The following PRKCH variants were observed in gnomAD, a reference collection of about 807,000 sequenced individuals.
PRKCH encodes the protein protein kinase C eta.
Under a neutral mutation model 82.5 loss-of-function variants are expected in PRKCH, and 28 were observed. The ratio of observed to expected loss-of-function variants is 0.34; its 90% CI spans 0.25 to 0.47. The LOEUF is 0.47. Among genes scored for constraint, PRKCH ranks in the 20% least tolerant of loss-of-function variants. The pLI is 1.00. For missense variants in PRKCH, 705 were observed against 881.8 expected, an observed-to-expected ratio of 0.80 and a Z score of 2.54; for synonymous variants, 322 against 327.4, an observed-to-expected ratio of 0.98 and a Z score of 0.18.
intron 2 of PRKCH, among the ~76,000 whole-genome samples, chr14:61,432,395 G>T (rs1883450401): frequency 6.6e-6 from 1 of 152,098 alleles, no homozygotes; most frequent in Admixed American, 6.5e-5. Context: ...TCTTCAAGTA[G>T]ATTCTCTTCA....
chr14:61,205,701 C>T (rs1024096732), intron 1 of PRKCH, among the ~76,000 whole-genome samples: 1 of 152,174 alleles, frequency 6.6e-6, no homozygotes, highest in Non-Finnish European at 1.5e-5. Flanking sequence ...GGCCCTTGCA[C>T]AGGACAGAGC....
At chr14:61,216,647 C>T (rs1428498303) in intron 1 of PRKCH, among the ~76,000 whole-genome samples, 1 of 152,144 alleles carries the variant, frequency 6.6e-6, no homozygotes, top group Non-Finnish European at 1.5e-5. Context: ...ACTTCACTCC[C>T]CTGGCAACCC....
At chr14:61,203,646 T>A (rs1276150238) in intron 1 of PRKCH, among the ~76,000 whole-genome samples, 1 of 152,066 alleles carries the variant, frequency 6.6e-6, no homozygotes, top group Admixed American at 6.5e-5. Flanking sequence ...TTCTAGGAAG[T>A]GTTTTTCAAA....
chr14:61,310,093 G>A (rs778048245), intron 1 of PRKCH, among the ~76,000 whole-genome samples: 31 of 152,104 alleles, frequency 2.0e-4, no homozygotes, highest in Non-Finnish European at 4.3e-4. Flanking sequence ...ATTACAATTC[G>A]AGATGAGATT....
chr14:61,507,151 A>G (rs534294471), intron 10 of PRKCH, among the ~76,000 whole-genome samples: 4 of 152,304 alleles, frequency 2.6e-5, no homozygotes, highest in African/African-American at 9.6e-5. Context: ...CATTTCTCCA[A>G]AGAAGATATG....
chr14:61,449,236 AC>A lies in PRKCH; in HGVS notation c.687del (p.Asn229LysfsTer41). 6.2e-7 allele frequency: 1 copy of A among 1,613,418 alleles called. No individual in the cohort carries two copies. Among genetic ancestry groups the A allele is most frequent in the Non-Finnish European group, 8.5e-7 (1 of 1,179,388 alleles). ...GCCTGTACTTGCCAAAACAATATTA[AC>A]AAAGTGGATTCAAAGGTAAGAGGAT... ...VTACTCQNNI[N>X]KVDSKIAEQR... On this transcript the variant is annotated frameshift_variant, in exon 5 of 14. Transcript: ENST00000332981. LOFTEE classifies it high-confidence loss of function.
rs139565381 is a variant in PRKCH, at chr14:61,206,808, G to GAA, written c.-19+19149_-19+19150dup. On this transcript the variant is annotated intron_variant, in intron 1 of 3. Coordinates refer to the PRKCH transcript ENST00000555185. ...TTTATTTCTCCTGTGATTAGAAAAA[G>GAA]AAAAAAAAAAGATGTTGGTGGGGCA... is the stretch of plus-strand genomic sequence containing the variant. Among the ~76,000 whole-genome samples, 290 of 147,084 alleles carry GAA rather than the reference G, an allele frequency of 2.0e-3. 1 individual carries two copies. Among genetic ancestry groups the GAA allele is most frequent in the African/African-American group, 6.7e-3 (272 of 40,360 alleles).
chr14:61,206,761 A>T (rs1407942253), intron 1 of PRKCH, among the ~76,000 whole-genome samples: 2 of 152,092 alleles, frequency 1.3e-5, no homozygotes. Context: ...AATGGGGAGT[A>T]ATCTGCCTCT....
At chr14:61,267,461 A>G (rs918019346) in intron 1 of PRKCH, among the ~76,000 whole-genome samples, 2 of 152,160 alleles carry the variant, frequency 1.3e-5, no homozygotes, top group Non-Finnish European at 2.9e-5. Context: ...GACGAACTAC[A>G]TGTAGGCTTT....
chr14:61,529,954 T>C (rs1315098323), intron 11 of PRKCH, among the ~76,000 whole-genome samples: 2 of 152,232 alleles, frequency 1.3e-5, no homozygotes, highest in African/African-American at 4.8e-5. Flanking sequence ...CTTTGGGCTT[T>C]AGCCCTAAAT....
At chr14:61,463,576 T>A (rs1268165340) in intron 9 of PRKCH, among the ~76,000 whole-genome samples, 1 of 152,252 alleles carries the variant, frequency 6.6e-6, no homozygotes, top group African/African-American at 2.4e-5. Context: ...TGTGACTAAT[T>A]TGATAACCTG....
intron 3 of PRKCH, 75 bp downstream of exon 3, chr14:61,443,336 G>T (rs1289542272): frequency 4.3e-6 from 6 of 1,390,592 alleles, no homozygotes; most frequent in Non-Finnish European, 5.8e-6. Context: ...TATGACTTCA[G>T]CAGAATGCAT....
At chr14:61,376,705 A>AC (rs1490006847) in intron 1 of PRKCH, among the ~76,000 whole-genome samples, 10 of 151,674 alleles carry the variant, frequency 6.6e-5, no homozygotes, top group African/African-American at 2.4e-4. Flanking sequence ...CCCCATCTAC[A>AC]CCCCTCTAGT....
intron 6 of PRKCH, chr14:61,452,979 G>A: frequency 6.0e-6 from 3 of 502,620 alleles, no homozygotes; most frequent in Non-Finnish European, 1.1e-5. Flanking sequence ...ATCAAATCAT[G>A]GTGGAAAAAA....
intron 1 of PRKCH, among the ~76,000 whole-genome samples, chr14:61,211,087 A>G (rs2044575383): frequency 6.6e-6 from 1 of 152,112 alleles, no homozygotes; most frequent in African/African-American, 2.4e-5. Flanking sequence ...ACAAACTGGA[A>G]CCTGTCTTTG....
At chr14:61,399,254 A>G (rs1003910914) in intron 2 of PRKCH, among the ~76,000 whole-genome samples, 1 of 152,336 alleles carries the variant, frequency 6.6e-6, no homozygotes, top group East Asian at 1.9e-4. Flanking sequence ...ATTTTCATTA[A>G]TAAGTTAAAA....
chr14:61,361,346 A>G (rs1405900688), intron 1 of PRKCH, among the ~76,000 whole-genome samples: 3 of 152,220 alleles, frequency 2.0e-5, no homozygotes, highest in African/African-American at 4.8e-5. Flanking sequence ...TGAGAGACTT[A>G]AGAACAAAGG....
intron 2 of PRKCH, among the ~76,000 whole-genome samples, chr14:61,436,371 T>C (rs1883678671): frequency 1.3e-5 from 2 of 151,848 alleles, no homozygotes; most frequent in South Asian, 4.1e-4. Context: ...GTGTAGCAGC[T>C]GTTGATTTGG....
At chr14:61,339,609 C>T (rs188580632) in intron 1 of PRKCH, among the ~76,000 whole-genome samples, 1,893 of 144,388 alleles carry the variant, frequency 0.013, 49 homozygotes, top group African/African-American at 0.046. Context: ...AGGCGTGAGC[C>T]ACCAAGCCCG....
Sources: gnomAD v4.1 joint callset for allele counts (sites outside exome capture counted in the v4.1 genomes callset) on GRCh38, gnomAD v4.1.1 for gene constraint, MANE v1.5 for transcripts, NCBI Gene and HGNC (gene_info 2026-07-23, HGNC 2026-07-21) for gene names.